ZFPM1: variants seen among roughly 807,000 people sequenced by gnomAD.
ZFPM1 encodes the protein zinc finger protein ZFPM1.
Under a neutral mutation model 46.3 loss-of-function variants are expected in ZFPM1, and 28 were observed. The ratio of observed to expected loss-of-function variants is 0.60; its 90% CI spans 0.45 to 0.83. ZFPM1 has a LOEUF of 0.83. Among genes scored for constraint, ZFPM1 ranks in the 40% least tolerant of loss-of-function variants. ZFPM1 has a pLI of 0.00. For missense variants in ZFPM1, 1,878 were observed against 1,432.4 expected, an observed-to-expected ratio of 1.31 and a Z score of -5.02; for synonymous variants, 957 against 675.9, an observed-to-expected ratio of 1.42 and a Z score of -6.45.
intron 1 of ZFPM1, among the ~76,000 whole-genome samples, chr16:88,479,604 G>C (rs1474108808): frequency 1.3e-5 from 2 of 152,106 alleles, no homozygotes; most frequent in Non-Finnish European, 2.9e-5. Flanking sequence ...GGGAAAGTCT[G>C]AATCTGTTGC....
intron 4 of ZFPM1, among the ~76,000 whole-genome samples, chr16:88,524,443 C>T (rs140982293): frequency 2.0e-4 from 31 of 152,320 alleles, no homozygotes; most frequent in South Asian, 6.2e-4. Flanking sequence ...CTGGGAATCA[C>T]GGGGGTGTCC....
intron 3 of ZFPM1, among the ~76,000 whole-genome samples, chr16:88,490,303 C>T (rs1328281957): frequency 1.3e-5 from 2 of 152,186 alleles, no homozygotes; most frequent in Admixed American, 6.5e-5. Flanking sequence ...CCGCCCGCCT[C>T]GGCCTCCCAA....
chr16:88,460,541 C>T (rs1252505878), intron 1 of ZFPM1, among the ~76,000 whole-genome samples: 1 of 152,198 alleles, frequency 6.6e-6, no homozygotes, highest in Non-Finnish European at 1.5e-5. Flanking sequence ...ATGGTCTGGT[C>T]CTGCCCTCTG....
At chr16:88,455,960 C>T (rs1216743695) in intron 1 of ZFPM1, among the ~76,000 whole-genome samples, 2 of 152,164 alleles carry the variant, frequency 1.3e-5, no homozygotes, top group African/African-American at 2.4e-5. Context: ...GCCGGTCGGC[C>T]CGATGGCGAT....
rs189248501 is a variant in ZFPM1 at position 88,479,544 on chromosome 16, G to A, written c.41-6395G>A. ...CAACAGAGCGAGCGGGGCCGTCCCC[G>A]TCTCCTCTCTGTCCCCACCGTGGCC... On this transcript the variant is annotated intron_variant, in intron 1 of 9. Transcript: ENST00000319555. Among the ~76,000 whole-genome samples the A allele has an allele frequency of 1.4e-3, 219 of 152,162 alleles. No homozygotes were observed. In the East Asian group the frequency reaches 0.017, roughly 12 times the overall value.
chr16:88,535,131 C>T lies in ZFPM1; in HGVS notation c.*152C>T. 1 of 954,022 alleles carries T rather than the reference C, an allele frequency of 1.0e-6. No individual in the cohort carries two copies. The highest frequency in any genetic ancestry group is 1.7e-5 in the African/African-American group (1 of 58,480). 59.1% of individuals were successfully genotyped at this position (954,022 alleles called of 1,614,324 possible). A position where few individuals can be genotyped will look rare whatever the true frequency, so the allele number is the denominator to read the frequency against. ...GCAGGGGGCAGCGCCCGCCTGGACC[C>T]TTGGCACTTAATAAAGAAGTTCAGT... On this transcript the variant is annotated 3_prime_UTR_variant, in exon 10 of 10. Coordinates refer to ENST00000319555, the MANE Select transcript of ZFPM1 (RefSeq NM_153813.3).
At chr16:88,514,809 G>A (rs1911193334) in intron 4 of ZFPM1, among the ~76,000 whole-genome samples, 1 of 152,210 alleles carries the variant, frequency 6.6e-6, no homozygotes, top group South Asian at 2.1e-4. Flanking sequence ...CAGAGGAGAA[G>A]AGCATTCAAG....
intron 6 of ZFPM1, 108 bp from the exon 7 acceptor site, chr16:88,531,894 G>T: frequency 9.3e-7 from 1 of 1,075,746 alleles, no homozygotes; most frequent in Non-Finnish European, 1.3e-6. Flanking sequence ...CTCCTGGGGT[G>T]GGGAGGACGG....
chr16:88,457,625 CTCTT>C (rs1361060741), intron 1 of ZFPM1, among the ~76,000 whole-genome samples: 1 of 152,116 alleles, frequency 6.6e-6, no homozygotes, highest in Non-Finnish European at 1.5e-5. Context: ...ACGTTTTTCT[CTCTT>C]TCTCTCTCTT....
At chr16:88,460,512 C>G (rs867576364) in intron 1 of ZFPM1, among the ~76,000 whole-genome samples, 3 of 152,178 alleles carry the variant, frequency 2.0e-5, no homozygotes, top group East Asian at 3.9e-4. Flanking sequence ...TGCCCTGGTG[C>G]GAGGAAGAAA....
intron 6 of ZFPM1, among the ~76,000 whole-genome samples, chr16:88,529,222 G>A (rs941326556): frequency 2.6e-5 from 4 of 152,282 alleles, no homozygotes; most frequent in Admixed American, 1.3e-4. Flanking sequence ...CAGGGAACAC[G>A]CAGCAAGTCT....
rs533253514 is a variant in ZFPM1, at chr16:88,490,712, A to G, written c.268+1559A>G. On this transcript the variant is annotated intron_variant, in intron 3 of 9. Transcript: ENST00000319555. ...GGGGTGGGCCTGGGCAGCCGCAGCC[A>G]GGAGGATGACCCGGCCCCATGGGGA... Among the ~76,000 whole-genome samples the G allele has an allele frequency of 4.5e-3, 680 of 152,266 alleles. 8 individuals carry two copies. Among genetic ancestry groups the G allele is most frequent in the African/African-American group, 0.015 (635 of 41,552 alleles).
chr16:88,457,412 A>G (rs1459676458), intron 1 of ZFPM1, among the ~76,000 whole-genome samples: 1 of 152,228 alleles, frequency 6.6e-6, no homozygotes. Flanking sequence ...TGTGCTTTCC[A>G]CAGCTCTCAG....
At chr16:88,531,525 T>G (rs1056841824) in intron 6 of ZFPM1, among the ~76,000 whole-genome samples, 2 of 152,150 alleles carry the variant, frequency 1.3e-5, no homozygotes, top group South Asian at 2.1e-4. Context: ...TCAGCAGCCA[T>G]CGTGTGCCTG....
chr16:88,517,480 A>ATGGC (rs1911412135), intron 4 of ZFPM1, among the ~76,000 whole-genome samples: 1 of 76,326 alleles, frequency 1.3e-5, no homozygotes, highest in Non-Finnish European at 2.6e-5. Context: ...GGCTGGGTGG[A>ATGGC]TGGATGGATG....
chr16:88,474,668 AC>A (rs1392622209), intron 1 of ZFPM1, among the ~76,000 whole-genome samples: 6 of 151,966 alleles, frequency 3.9e-5, no homozygotes, highest in Admixed American at 3.3e-4. Flanking sequence ...CCTGGTGACC[AC>A]CCTGTCTGAA....
intron 1 of ZFPM1, among the ~76,000 whole-genome samples, chr16:88,472,902 G>T (rs531500122): frequency 5.9e-4 from 88 of 149,126 alleles, no homozygotes; most frequent in African/African-American, 2.1e-3. Context: ...GGTTTCAGGC[G>T]GGGCAGCAGG....
Position 88,489,168 on chromosome 16 carries a change from G to C in ZFPM1, c.268+15G>C, listed in dbSNP as rs759476031. 5 of 1,585,010 alleles carry C rather than the reference G, an allele frequency of 3.2e-6. No individual in the cohort carries two copies. The highest frequency in any genetic ancestry group is 2.3e-5 in the South Asian group (2 of 88,308). On this transcript the variant is annotated intron_variant, in intron 3 of 9. Coordinates refer to ENST00000319555, the MANE Select transcript of ZFPM1 (RefSeq NM_153813.3). ...GAGCGGGCCAGGTAACCACGCGGGTGGTGGGGGCAGCAGCATCGCCTCCCG... is the reference window on the plus strand; with the variant it reads ...GAGCGGGCCAGGTAACCACGCGGGTCGTGGGGGCAGCAGCATCGCCTCCCG...
chr16:88,515,277 G>A (rs1300360226), intron 4 of ZFPM1, among the ~76,000 whole-genome samples: 2 of 152,220 alleles, frequency 1.3e-5, no homozygotes, highest in Non-Finnish European at 2.9e-5. Flanking sequence ...TGAGCGGGCA[G>A]ACGCATGTCC....
Sources: gnomAD v4.1 joint callset for allele counts (sites outside exome capture counted in the v4.1 genomes callset) on GRCh38, gnomAD v4.1.1 for gene constraint, MANE v1.5 for transcripts, NCBI Gene and HGNC (gene_info 2026-07-23, HGNC 2026-07-21) for gene names.